ZZEF1: variants seen among roughly 807,000 people sequenced by gnomAD.
ZZEF1 encodes zinc finger ZZ-type and EF-hand domain-containing protein 1.
Under a neutral mutation model 342.8 loss-of-function variants are expected in ZZEF1, and 157 were observed. The observed-to-expected ratio is 0.46, with a 90% CI of 0.40 to 0.52. The LOEUF (loss-of-function observed/expected upper bound fraction) is 0.52, where lower values mean the gene tolerates loss of function less well. Among genes scored for constraint, ZZEF1 ranks in the 20% least tolerant of loss-of-function variants. The pLI is 0.00. For missense variants in ZZEF1, 3,480 were observed against 3,725.6 expected, an observed-to-expected ratio of 0.93 and a Z score of 1.72; for synonymous variants, 1,505 against 1,429.1, an observed-to-expected ratio of 1.05 and a Z score of -1.20.
chr17:4,026,420 GAA>G (rs1330953271), intron 42 of ZZEF1, among the ~76,000 whole-genome samples: 3 of 151,452 alleles, frequency 2.0e-5, no homozygotes, highest in African/African-American at 7.3e-5. Context: ...ATAGCCAGAG[GAA>G]AAAGAGACAT....
rs959609859 is a variant in ZZEF1, at chr17:4,004,992, G to A, written c.*1898C>T. The A allele has an allele frequency of 5.3e-5, 8 of 152,368 alleles. No individual in the cohort carries two copies. The highest frequency in any genetic ancestry group is 1.7e-4 in the African/African-American group (7 of 41,474). 9.4% of individuals were successfully genotyped at this position (152,368 alleles called of 1,614,324 possible). On this transcript the variant is annotated 3_prime_UTR_variant, in exon 55 of 55. Coordinates refer to ENST00000381638, the MANE Select transcript of ZZEF1 (RefSeq NM_015113.4). ...TCCTGACGGGAGGATGGAGTACAGCGGCGGCCACTGCCATAGGGGAGGTGA... is the reference window on the plus strand; with the variant it reads ...TCCTGACGGGAGGATGGAGTACAGCAGCGGCCACTGCCATAGGGGAGGTGA...
At position 4,103,392 on chromosome 17, in the gene ZZEF1, T is replaced by TAAA. The variant is rs1180579987; in HGVS notation, c.1574-978_1574-977insTTT. On this transcript the variant is annotated intron_variant, in intron 8 of 54. Transcript: ENST00000381638. ...AGCTCATTTCTAAAAAAAAAAAAAT[T>TAAA]TTTAACTAGCCAGGTGTGGTGACCC... Among the ~76,000 whole-genome samples the TAAA allele has an allele frequency of 6.7e-4, 92 of 137,144 alleles. 1 individual carries two copies. The highest frequency in any genetic ancestry group is 2.3e-3 in the African/African-American group (85 of 36,854). 90.0% of individuals were successfully genotyped at this position (137,144 alleles called of 152,430 possible).
intron 33 of ZZEF1, among the ~76,000 whole-genome samples, chr17:4,054,829 A>C (rs1170417357): frequency 1.3e-5 from 2 of 152,190 alleles, no homozygotes; most frequent in East Asian, 3.9e-4. Flanking sequence ...ACCATGACCA[A>C]AGCGTTAAAG....
chr17:4,074,450 T>C, intron 23 of ZZEF1, 99 bp from the exon 24 acceptor site: 1 of 1,256,082 alleles, frequency 8.0e-7, no homozygotes, highest in Non-Finnish European at 1.1e-6. Flanking sequence ...AGTTTAAAAT[T>C]GATCTCTATT....
rs927621728 is a variant in ZZEF1, at chr17:4,013,364, G to C, written c.8579+85C>G. On this transcript the variant is annotated intron_variant, in intron 52 of 54. Coordinates refer to ENST00000381638, the MANE Select transcript of ZZEF1 (RefSeq NM_015113.4). ...AAGCCACAAATGTCTTTTCATCAAAGTCACCACTAACAGCAAGAAAGGGCC... is the reference window on the plus strand; with the variant it reads ...AAGCCACAAATGTCTTTTCATCAAACTCACCACTAACAGCAAGAAAGGGCC... 2.3e-6 allele frequency: 3 copies of C among 1,311,506 alleles called. No homozygotes were observed. In the African/African-American group the frequency reaches 4.5e-5, roughly 20 times the overall value. The allele number at this position is 1,311,506 out of a possible 1,614,324, so 81.2% of individuals were successfully genotyped here.
intron 6 of ZZEF1, among the ~76,000 whole-genome samples, chr17:4,106,572 G>C (rs1298501366): frequency 6.6e-6 from 1 of 151,860 alleles, no homozygotes; most frequent in Non-Finnish European, 1.5e-5. Flanking sequence ...CTCTTAAACA[G>C]ATTAGCACAT....
At chr17:4,076,387 C>T in intron 21 of ZZEF1, 1 of 267,254 alleles carries the variant, frequency 3.7e-6, no homozygotes, top group Non-Finnish European at 7.2e-6. Flanking sequence ...CCCGCCTCGG[C>T]CTCCCAAAGT....
At chr17:4,100,283 C>T (rs1484370375) in intron 9 of ZZEF1, among the ~76,000 whole-genome samples, 4 of 152,138 alleles carry the variant, frequency 2.6e-5, no homozygotes, top group East Asian at 3.9e-4. Flanking sequence ...CAAGAGAGAC[C>T]GACATCAACC....
Position 4,077,961 on chromosome 17 carries a change from G to C in ZZEF1, c.2911C>G (p.Leu971Val). 1.2e-6 allele frequency: 2 copies of C among 1,614,206 alleles called. No individual in the cohort carries two copies. Among genetic ancestry groups the C allele is most frequent in the Non-Finnish European group, 8.5e-7 (1 of 1,180,058 alleles). The change falls in exon 19 of 55, where the codon CTG (leucine) becomes GTG (valine). Residue 971 changes from leucine to valine, a missense_variant. Leu to Val is a conservative substitution (Grantham distance 32, BLOSUM62 1). Transcript: ENST00000381638. The part of the protein sequence containing the change: ...FSLFWSVQGS[L>V]LSWCYLQLKS... ...AGCTGCAGGTAGCACCAGGATAGCA[G>C]GCTGCCTTGGACGGACCAGAACAGG...
intron 1 of ZZEF1, among the ~76,000 whole-genome samples, chr17:4,135,024 G>A (rs984333417): frequency 6.6e-6 from 1 of 152,052 alleles, no homozygotes; most frequent in East Asian, 1.9e-4. Context: ...CAGGGCTAGA[G>A]GTCAGAATAA....
At chr17:4,112,083 TATATATA>T (rs2058318878) in intron 5 of ZZEF1, among the ~76,000 whole-genome samples, 1 of 60,386 alleles carries the variant, frequency 1.7e-5, no homozygotes, top group Non-Finnish European at 3.2e-5. Context: ...TATATATATA[TATATATA>T]TATGTTTTGT....
chr17:4,025,304 C>G (rs926350202), intron 42 of ZZEF1, among the ~76,000 whole-genome samples, 186 bp from the exon 43 acceptor site: 3 of 152,216 alleles, frequency 2.0e-5, no homozygotes, highest in African/African-American at 7.2e-5. Flanking sequence ...GGCTACCTAT[C>G]CATCAAGCAA....
At chr17:4,110,064 A>G (rs1033775637) in intron 5 of ZZEF1, among the ~76,000 whole-genome samples, 2 of 152,216 alleles carry the variant, frequency 1.3e-5, no homozygotes, top group East Asian at 1.9e-4. Flanking sequence ...CTAAGAAATC[A>G]TAAGAATAAT....
chr17:4,043,099 C>A (rs576236029), intron 38 of ZZEF1, among the ~76,000 whole-genome samples: 5 of 152,210 alleles, frequency 3.3e-5, no homozygotes, highest in African/African-American at 1.2e-4. Context: ...AGCTCTCTTA[C>A]CCCCGCCCTC....
At chr17:4,031,176 T>C (rs2056534828) in intron 42 of ZZEF1, among the ~76,000 whole-genome samples, 1 of 151,864 alleles carries the variant, frequency 6.6e-6, no homozygotes. Context: ...ATTAGCCAAG[T>C]GTGGTGGTAC....
chr17:4,004,740 T>G lies in ZZEF1; in HGVS notation c.*2150A>C, dbSNP rs955962005. The G allele has an allele frequency of 2.2e-4, 34 of 152,256 alleles. No homozygotes were observed. The highest frequency in any genetic ancestry group is 7.3e-5 in the Non-Finnish European group (5 of 68,058). The allele number at this position is 152,256 out of a possible 1,614,324, so 9.4% of individuals were successfully genotyped here. ...CCACCTTTGCTCTGCGGGCTTCGCC[T>G]CCTCCGGGCCTGGGGCTCCTGGAAA... On this transcript the variant is annotated 3_prime_UTR_variant, in exon 55 of 55. Coordinates refer to ENST00000381638, the MANE Select transcript of ZZEF1 (RefSeq NM_015113.4).
chr17:4,142,846 C>A lies in ZZEF1; in HGVS notation c.50G>T (p.Gly17Val). The change falls in exon 1 of 55, where the codon GGT becomes GTT. Residue 17 changes from glycine to valine, a missense_variant. This residue lies in a region of ZZEF1 where 416 missense variants were observed against 374.2 expected (regional missense o/e 1.11). Coordinates refer to ENST00000381638, the MANE Select transcript of ZZEF1 (RefSeq NM_015113.4). Reference sequence around the variant, plus strand: ...CTGGTGTGGGCCCCAGCCCTCGCCACCGGCAGCTGCCGCTTCGTCTTCACT... The same window carrying A: ...CTGGTGTGGGCCCCAGCCCTCGCCAACGGCAGCTGCCGCTTCGTCTTCACT... ...HSSEDEAAAA[G>V]GEGWGPHQDW... 1 of 1,395,406 alleles carries A rather than the reference C, an allele frequency of 7.2e-7. No individual in the cohort carries two copies. The highest frequency in any genetic ancestry group is 9.2e-7 in the Non-Finnish European group (1 of 1,083,764). The allele number at this position is 1,395,406 out of a possible 1,614,324, so 86.4% of individuals were successfully genotyped here.
At chr17:4,045,263 C>T (rs779111305) in intron 37 of ZZEF1, among the ~76,000 whole-genome samples, 3 of 152,308 alleles carry the variant, frequency 2.0e-5, no homozygotes, top group Admixed American at 6.5e-5. Context: ...ACCTCTCATA[C>T]ATTCTATTCA....
rs778375425 is a variant in ZZEF1 at position 4,019,637 on chromosome 17, C to CCACA, written c.7505+28_7505+31dup. ...CCGCCCTCACATATTCTCTCCCTGG[C>CCACA]CACACTTCAGCTGCACGGAAATGTC... On this transcript the variant is annotated intron_variant, in intron 46 of 54. Transcript: ENST00000381638. The CCACA allele has an allele frequency of 8.8e-6, 14 of 1,590,046 alleles. No individual in the cohort carries two copies. The East Asian group carries it at 1.1e-4, about 13-fold the overall frequency.
Sources: gnomAD v4.1 joint callset for allele counts (sites outside exome capture counted in the v4.1 genomes callset) on GRCh38, gnomAD v4.1.1 for gene constraint, gnomAD v4.1.1 regional missense constraint, MANE v1.5 for transcripts, NCBI Gene and HGNC (gene_info 2026-07-23, HGNC 2026-07-21) for gene names.